Variants in PHACTR3 observed in about 807,000 individuals in gnomAD.
PHACTR3 encodes protein phosphatase 1, regulatory subunit 123.
In PHACTR3, 16 loss-of-function variants were observed where a neutral mutation model predicts 66.8. The observed-to-expected ratio is 0.24, with a 90% CI of 0.16 to 0.36. The LOEUF is 0.36. Among genes scored for constraint, PHACTR3 ranks in the 10% least tolerant of loss-of-function variants. The pLI is 1.00. For missense variants in PHACTR3, 647 were observed against 719.9 expected (o/e 0.90, Z 1.16); for synonymous variants, 323 against 292.1 (o/e 1.11, Z -1.08).
intron 11 of PHACTR3, among the ~76,000 whole-genome samples, chr20:59,843,005 T>G (rs953271500): frequency 6.6e-6 from 1 of 152,068 alleles, no homozygotes; most frequent in Non-Finnish European, 1.5e-5. Flanking sequence ...AAAACTTAGA[T>G]CTGATAAATT....
intron 1 of PHACTR3, among the ~76,000 whole-genome samples, chr20:59,710,633 T>C (rs1372982173): frequency 6.6e-6 from 1 of 151,932 alleles, no homozygotes; most frequent in African/African-American, 2.4e-5. Context: ...CCTCTGCTAT[T>C]TTAATGAACA....
chr20:59,596,005 C>T (rs968085821), intron 1 of PHACTR3, among the ~76,000 whole-genome samples: 2 of 152,202 alleles, frequency 1.3e-5, no homozygotes, highest in Admixed American at 6.5e-5. Flanking sequence ...GTAGGCAGAA[C>T]GCAGTTCAAG....
intron 1 of PHACTR3, among the ~76,000 whole-genome samples, chr20:59,617,710 G>A (rs766730858): frequency 2.6e-5 from 4 of 152,290 alleles, no homozygotes; most frequent in South Asian, 2.1e-4. Flanking sequence ...AGAATTAAGC[G>A]GCTTCTGTCC....
chr20:59,773,615 G>T (rs2040430813), intron 6 of PHACTR3, among the ~76,000 whole-genome samples, 162 bp downstream of exon 6: 1 of 152,242 alleles, frequency 6.6e-6, no homozygotes, highest in Admixed American at 6.5e-5. Context: ...ACCTCGCTCT[G>T]CAGATTGCAT....
At chr20:59,749,563 C>T (rs1241769259) in intron 3 of PHACTR3, among the ~76,000 whole-genome samples, 4 of 152,234 alleles carry the variant, frequency 2.6e-5, no homozygotes, top group Middle Eastern at 6.8e-3. Context: ...CCTCTGACGG[C>T]GACATCACAC....
At position 59,845,279 on chromosome 20, in the gene PHACTR3, C is replaced by CTA; in HGVS notation, c.1664+15_1664+16insAT. The CTA allele has an allele frequency of 1.3e-6, 2 of 1,574,194 alleles. No homozygotes were observed. Among genetic ancestry groups the CTA allele is most frequent in the East Asian group, 4.5e-5 (2 of 44,470 alleles). On this transcript the variant is annotated intron_variant, in intron 12 of 12. Coordinates refer to ENST00000371015, the MANE Select transcript of PHACTR3 (RefSeq NM_080672.5). ...GCACTTGACAAGGTCAGATTTGTTTCTGTGAATTTCATGGTACTTATTTTT... is the reference window on the plus strand; with the variant it reads ...GCACTTGACAAGGTCAGATTTGTTTCTATGTGAATTTCATGGTACTTATTTTT...
At chr20:59,846,090 G>GT (rs2059141643) in intron 12 of PHACTR3, among the ~76,000 whole-genome samples, 1 of 152,140 alleles carries the variant, frequency 6.6e-6, no homozygotes, top group African/African-American at 2.4e-5. Context: ...GCCTTCAACT[G>GT]TATCAGTTGC....
intron 1 of PHACTR3, among the ~76,000 whole-genome samples, chr20:59,711,060 ATATT>A (rs1316597718): frequency 2.0e-5 from 3 of 152,178 alleles, no homozygotes; most frequent in African/African-American, 7.2e-5. Flanking sequence ...TATACAGAAA[ATATT>A]TATAATACTG....
chr20:59,770,809 G>A (rs531968482), intron 5 of PHACTR3, among the ~76,000 whole-genome samples: 22 of 152,274 alleles, frequency 1.4e-4, no homozygotes, highest in African/African-American at 4.6e-4. Context: ...CTGGAGATGC[G>A]TTTACCCCTC....
intron 2 of PHACTR3, among the ~76,000 whole-genome samples, chr20:59,745,918 C>A (rs1345031998): frequency 6.6e-6 from 1 of 152,224 alleles, no homozygotes; most frequent in Admixed American, 6.5e-5. Flanking sequence ...AGGCAAAGAC[C>A]TGTGATGTCT....
At chr20:59,627,678 A>C (rs1379841182) in intron 1 of PHACTR3, among the ~76,000 whole-genome samples, 1 of 152,112 alleles carries the variant, frequency 6.6e-6, no homozygotes, top group East Asian at 1.9e-4. Context: ...TCAGGTGCCC[A>C]CCTGCATCTG....
intron 1 of PHACTR3, among the ~76,000 whole-genome samples, chr20:59,623,045 T>C (rs1194009102): frequency 1.6e-5 from 2 of 125,230 alleles, no homozygotes; most frequent in African/African-American, 3.1e-5. Context: ...TCCTGTATGA[T>C]GTATAGCTTT....
intron 1 of PHACTR3, among the ~76,000 whole-genome samples, chr20:59,725,637 G>A (rs2038534748): frequency 6.6e-6 from 1 of 152,224 alleles, no homozygotes; most frequent in Non-Finnish European, 1.5e-5. Flanking sequence ...AGGAGAAGCT[G>A]GCACCAGTGC....
intron 4 of PHACTR3, among the ~76,000 whole-genome samples, chr20:59,765,005 G>T (rs1441570428): frequency 6.6e-6 from 1 of 152,190 alleles, no homozygotes; most frequent in Non-Finnish European, 1.5e-5. Flanking sequence ...ACTTGCCTGT[G>T]CTGATTTACA....
chr20:59,580,295 T>C (rs2032822159), intron 1 of PHACTR3, among the ~76,000 whole-genome samples: 1 of 152,200 alleles, frequency 6.6e-6, no homozygotes, highest in Non-Finnish European at 1.5e-5. Flanking sequence ...GGCACTGTGA[T>C]GCCAGACCTC....
Position 59,715,378 on chromosome 20 carries a change from G to A in PHACTR3, c.119-27729G>A, listed in dbSNP as rs139139152. ...AAATGCTATCTCTGTATTTGTGGAA[G>A]TGATCCTATAACTTTTCTAATTTAT... On this transcript the variant is annotated intron_variant, in intron 1 of 12. Transcript: ENST00000371015. 4.4e-3 allele frequency among the ~76,000 whole-genome samples: 676 copies of A among 152,298 alleles called. 10 individuals carry two copies. The highest frequency in any genetic ancestry group is 0.015 in the African/African-American group (643 of 41,564).
intron 8 of PHACTR3, among the ~76,000 whole-genome samples, chr20:59,834,467 A>G (rs931256587): frequency 6.6e-6 from 1 of 152,182 alleles, no homozygotes; most frequent in Non-Finnish European, 1.5e-5. Flanking sequence ...GACAACTCCA[A>G]TTTCCTGATG....
intron 8 of PHACTR3, among the ~76,000 whole-genome samples, chr20:59,825,023 T>G (rs1331533550): frequency 6.6e-6 from 1 of 152,218 alleles, no homozygotes; most frequent in Non-Finnish European, 1.5e-5. Flanking sequence ...CCATGCCCCC[T>G]GCAGCGGGGC....
At chr20:59,624,596 G>A (rs1047914734) in intron 1 of PHACTR3, among the ~76,000 whole-genome samples, 5 of 152,116 alleles carry the variant, frequency 3.3e-5, no homozygotes, top group Admixed American at 6.5e-5. Context: ...CCTGGCAGCC[G>A]GGTGTGCAGG....
Sources: gnomAD v4.1 joint callset for allele counts (sites outside exome capture counted in the v4.1 genomes callset) on GRCh38, gnomAD v4.1.1 for gene constraint, MANE v1.5 for transcripts, NCBI Gene and HGNC (gene_info 2026-07-23, HGNC 2026-07-21) for gene names.